The following APBA2 variants were observed in gnomAD, a reference collection of about 807,000 sequenced individuals.
The protein encoded by APBA2 is amyloid-beta A4 precursor protein-binding family A member 2.
A neutral mutation model predicts 75.0 loss-of-function variants in APBA2; 30 were observed. The observed-to-expected ratio is 0.40, with a 90% CI of 0.30 to 0.54. The LOEUF (loss-of-function observed/expected upper bound fraction) is 0.54. Ranked by LOEUF, APBA2 falls within the 20% of genes least tolerant of loss-of-function variation. APBA2 has a pLI of 0.49. For missense variants in APBA2, 801 were observed against 1,016.1 expected, an observed-to-expected ratio of 0.79 and a Z score of 2.88; for synonymous variants, 444 against 409.6, an observed-to-expected ratio of 1.08 and a Z score of -1.01.
At chr15:29,102,727 C>T (rs2044186840) in intron 10 of APBA2, 1 of 151,216 alleles carries the variant, frequency 6.6e-6, no homozygotes, top group Admixed American at 6.6e-5. Context: ...CCATTGCACT[C>T]CAGCCTGGGT....
intron 3 of APBA2, among the ~76,000 whole-genome samples, chr15:29,003,931 G>A (rs1273224000): frequency 1.3e-5 from 2 of 152,224 alleles, no homozygotes; most frequent in African/African-American, 4.8e-5. Context: ...ACGTCTGGAA[G>A]AGTGGCTGAT....
At chr15:29,044,601 AC>A (rs1030213544) in intron 3 of APBA2, among the ~76,000 whole-genome samples, 116 of 151,214 alleles carry the variant, frequency 7.7e-4, no homozygotes, top group African/African-American at 2.7e-3. Context: ...TCCTGGCCAC[AC>A]CCCCCCTGGG....
At chr15:29,109,337 C>T (rs1462302907) in intron 13 of APBA2, among the ~76,000 whole-genome samples, 1 of 152,114 alleles carries the variant, frequency 6.6e-6, no homozygotes, top group Non-Finnish European at 1.5e-5. Flanking sequence ...ATCTCTGACC[C>T]TGCTGTGTCA....
chr15:28,998,108 T>C (rs371584035), intron 3 of APBA2, among the ~76,000 whole-genome samples: 2 of 152,192 alleles, frequency 1.3e-5, no homozygotes, highest in African/African-American at 4.8e-5. Flanking sequence ...TACTAATCCC[T>C]GTGATGTGCC....
intron 2 of APBA2, among the ~76,000 whole-genome samples, chr15:28,942,683 C>T (rs1030763149): frequency 2.0e-5 from 3 of 152,204 alleles, no homozygotes; most frequent in Non-Finnish European, 4.4e-5. Context: ...GACCCAGGGA[C>T]ACATGTGTGG....
At chr15:29,035,598 A>G (rs2040706014) in intron 3 of APBA2, among the ~76,000 whole-genome samples, 1 of 152,196 alleles carries the variant, frequency 6.6e-6, no homozygotes, top group Non-Finnish European at 1.5e-5. Flanking sequence ...TTTCTGGGAC[A>G]TCATCATGGG....
chr15:28,986,744 G>A (rs191931415), intron 2 of APBA2, among the ~76,000 whole-genome samples: 2 of 152,168 alleles, frequency 1.3e-5, no homozygotes, highest in African/African-American at 4.8e-5. Flanking sequence ...TCGGATTACA[G>A]GCATGAGCTA....
intron 14 of APBA2, among the ~76,000 whole-genome samples, 157 bp from the exon 15 acceptor site, chr15:29,116,905 T>C (rs1458240198): frequency 6.6e-6 from 1 of 152,184 alleles, no homozygotes; most frequent in African/African-American, 2.4e-5. Flanking sequence ...GCATCATAAG[T>C]GTCCCCAGGC....
chr15:28,895,305 G>T (rs1357124795), intron 1 of APBA2, among the ~76,000 whole-genome samples: 1 of 152,156 alleles, frequency 6.6e-6, no homozygotes, highest in Non-Finnish European at 1.5e-5. Flanking sequence ...GGGCACGCAG[G>T]CTGTCCTTAC....
chr15:28,950,300 C>T (rs2035786952), intron 2 of APBA2, among the ~76,000 whole-genome samples: 1 of 152,180 alleles, frequency 6.6e-6, no homozygotes, highest in Admixed American at 6.5e-5. Context: ...GATCAGCTGG[C>T]TGAGGTAGCA....
intron 2 of APBA2, among the ~76,000 whole-genome samples, chr15:28,994,236 C>T (rs1196126180): frequency 2.6e-5 from 4 of 152,104 alleles, no homozygotes; most frequent in South Asian, 2.1e-4. Context: ...GTTTTATACA[C>T]GATGAAACTG....
chr15:28,956,021 T>TG (rs2036150262), intron 2 of APBA2, among the ~76,000 whole-genome samples: 1 of 152,134 alleles, frequency 6.6e-6, no homozygotes, highest in African/African-American at 2.4e-5. Context: ...TTAACGAGAC[T>TG]GGGGGTTTGT....
intron 2 of APBA2, among the ~76,000 whole-genome samples, chr15:28,976,095 G>T (rs922243654): frequency 2.6e-5 from 4 of 152,150 alleles, no homozygotes; most frequent in Non-Finnish European, 5.9e-5. Context: ...TTTCTATAGA[G>T]GTCTTCCATT....
At chr15:28,891,501 A>G (rs183740967) in intron 1 of APBA2, among the ~76,000 whole-genome samples, 39 of 152,304 alleles carry the variant, frequency 2.6e-4, no homozygotes, top group African/African-American at 8.7e-4. Context: ...GGCATCAGAG[A>G]GTCATGGAAA....
At chr15:28,920,495 C>T (rs899350895) in intron 1 of APBA2, among the ~76,000 whole-genome samples, 9 of 152,212 alleles carry the variant, frequency 5.9e-5, no homozygotes, top group Non-Finnish European at 1.0e-4. Context: ...GCCCACACCA[C>T]GGTAGGAGCA....
At chr15:29,105,245 C>T in intron 10 of APBA2, 134 bp from the exon 11 acceptor site, 7 of 863,380 alleles carry the variant, frequency 8.1e-6, no homozygotes, top group Non-Finnish European at 1.3e-5. Context: ...TCTTGTTCTT[C>T]TAAGCCCGAG....
intron 13 of APBA2, among the ~76,000 whole-genome samples, chr15:29,113,615 G>A (rs1462980731): frequency 6.6e-6 from 1 of 152,214 alleles, no homozygotes; most frequent in African/African-American, 2.4e-5. Flanking sequence ...AGCGGCCCTG[G>A]GGGAGGTGCA....
At chr15:29,087,437 T>C (rs1057117857) in intron 6 of APBA2, among the ~76,000 whole-genome samples, 2 of 152,166 alleles carry the variant, frequency 1.3e-5, no homozygotes, top group Non-Finnish European at 2.9e-5. Context: ...ATCTTGCTCA[T>C]TGGGTGTCTA....
intron 14 of APBA2, 54 bp downstream of exon 14, chr15:29,114,070 C>T: frequency 6.2e-7 from 1 of 1,612,572 alleles, no homozygotes; most frequent in Non-Finnish European, 8.5e-7. Context: ...GTGCTCCCGC[C>T]TGCCCTCCAT....
Sources: gnomAD v4.1 joint callset for allele counts (sites outside exome capture counted in the v4.1 genomes callset) on GRCh38, gnomAD v4.1.1 for gene constraint, MANE v1.5 for transcripts, NCBI Gene and HGNC (gene_info 2026-07-23, HGNC 2026-07-21) for gene names.